SNX19: variants seen among roughly 807,000 people sequenced by gnomAD.
SNX19 encodes the protein sorting nexin-19.
In SNX19, 60 loss-of-function variants were observed where a neutral mutation model predicts 85.2. The observed-to-expected ratio is 0.70, with a 90% CI of 0.57 to 0.87. The LOEUF is 0.87. SNX19 is among the 40% of genes least tolerant of loss of function. The pLI is 0.00. For missense variants in SNX19, 1,201 were observed against 1,217.8 expected (o/e 0.99, Z 0.21); for synonymous variants, 520 against 470.0 (o/e 1.11, Z -1.38).
rs1943081487 is a variant in SNX19, at chr11:130,872,858, T to C, written c.*5564A>G. Among the ~76,000 whole-genome samples the C allele has an allele frequency of 6.6e-6, 1 of 152,184 alleles. No homozygotes were observed. The highest frequency in any genetic ancestry group is 1.5e-5 in the Non-Finnish European group (1 of 68,032). On this transcript the variant is annotated 3_prime_UTR_variant, in exon 11 of 11. Transcript: ENST00000265909. Reference sequence around the variant, plus strand: ...TGGGCTAACCTTCCTTTCCTCATCCTGGGAAAACACATCTTGCTCCAGTGC... The same window carrying C: ...TGGGCTAACCTTCCTTTCCTCATCCCGGGAAAACACATCTTGCTCCAGTGC...
intron 8 of SNX19, among the ~76,000 whole-genome samples, chr11:130,890,580 T>C (rs919092935): frequency 2.0e-5 from 3 of 152,234 alleles, no homozygotes; most frequent in Non-Finnish European, 4.4e-5. Context: ...GCCATTATTC[T>C]TGCATATCAT....
chr11:130,893,075 G>A (rs10750453), intron 8 of SNX19: 90,472 of 151,484 alleles, frequency 0.6, 27,396 homozygotes, highest in South Asian at 0.73. Context: ...TTGTCTTGAC[G>A]ACCAGAGTCC....
chr11:130,915,476 G>A lies in SNX19; in HGVS notation c.464C>T (p.Ala155Val), dbSNP rs772371493. ...ACCGCAGAGAGTCAGAACACTCTGG[G>A]CAACAGCATGACTGTCCATCACGCT... ...RMSVMDSHAV[A>V]QSVLTLCGCH... Residue 155 changes from alanine (A) to valine (V), a missense_variant, in exon 1 of 11, where the codon GCC (alanine) becomes GTC (valine). Around this residue, in one of 3 missense-constraint regions of SNX19, gnomAD observed 791 missense variants for 750.9 expected, o/e 1.05. Transcript: ENST00000265909. The A allele has an allele frequency of 2.5e-6, 4 of 1,614,122 alleles. No individual in the cohort carries two copies. In the South Asian group the frequency reaches 4.4e-5, roughly 18 times the overall value.
chr11:130,911,580 C>G (rs3751038), intron 2 of SNX19, 53 bp downstream of exon 2: 305,981 of 1,608,612 alleles, frequency 0.19, 30,560 homozygotes, highest in Middle Eastern at 0.21. Context: ...GGCCAATCAG[C>G]GTGGCTCGAC....
intron 8 of SNX19, chr11:130,892,766 T>G (rs998241579): frequency 1.3e-5 from 2 of 152,240 alleles, no homozygotes; most frequent in Non-Finnish European, 2.9e-5. Context: ...AAACTTTCAC[T>G]GCAGAGACTA....
chr11:130,889,575 T>C (rs920763550), intron 8 of SNX19, among the ~76,000 whole-genome samples: 7 of 152,224 alleles, frequency 4.6e-5, no homozygotes, highest in Non-Finnish European at 7.4e-5. Flanking sequence ...AATCTGTTCT[T>C]ACAGCATGTA....
chr11:130,915,867 T>G lies in SNX19; in HGVS notation c.73A>C (p.Ser25Arg). The stretch of plus-strand genomic sequence containing the variant: ...CCCACAGCCATCAGCTTCCGGCTAC[T>G]CAACAGGTTATTGAGGTGACAGCTC... ...GSSCHLNNLL[S>R]SRKLMAVGVL... The change falls in exon 1 of 11, where the codon AGT (serine) becomes CGT (arginine). Residue 25 changes from serine (S) to arginine (R), a missense_variant. By Grantham distance (110) the Ser-to-Arg change is moderately radical. Coordinates refer to ENST00000265909, the MANE Select transcript of SNX19 (RefSeq NM_014758.3). 6.2e-7 allele frequency: 1 copy of G among 1,614,202 alleles called. No individual in the cohort carries two copies. The highest frequency in any genetic ancestry group is 8.5e-7 in the Non-Finnish European group (1 of 1,180,034).
At chr11:130,879,780 C>G in intron 9 of SNX19, 69 bp from the exon 10 acceptor site, 1 of 1,426,096 alleles carries the variant, frequency 7.0e-7, no homozygotes, top group Non-Finnish European at 9.9e-7. Flanking sequence ...GACAGTCTCT[C>G]CCCAGGATCT....
chr11:130,890,312 A>G (rs1944408219), intron 8 of SNX19, among the ~76,000 whole-genome samples: 2 of 152,142 alleles, frequency 1.3e-5, no homozygotes, highest in Admixed American at 1.3e-4. Flanking sequence ...TCTCAGCTGA[A>G]TGCCTCATCA....
intron 8 of SNX19, among the ~76,000 whole-genome samples, chr11:130,886,039 T>C (rs941033560): frequency 6.6e-6 from 1 of 152,148 alleles, no homozygotes; most frequent in African/African-American, 2.4e-5. Context: ...CAAACATGTC[T>C]CCAAACATTG....
rs866905676 is a variant in SNX19, at chr11:130,914,849, G to A, written c.1091C>T (p.Pro364Leu). 6.2e-7 allele frequency: 1 copy of A among 1,614,152 alleles called. No homozygotes were observed. The highest frequency in any genetic ancestry group is 1.7e-5 in the Admixed American group (1 of 60,020). Residue 364 changes from proline to leucine, a missense_variant, in exon 1 of 11, where the codon CCC becomes CTC. Physicochemically the swap from Pro to Leu is moderately conservative, Grantham distance 98. Coordinates refer to ENST00000265909, the MANE Select transcript of SNX19 (RefSeq NM_014758.3). ...SHFLQPNVRG[P>L]LFLCEDSELE... ...CTCTGAGTCTTCACATAAGAACAGG[G>A]GACCTCGAACATTTGGCTGTAGGAA...
rs1339194795 is a variant in SNX19 at position 130,875,528 on chromosome 11, T to C, written c.*2894A>G. On this transcript the variant is annotated 3_prime_UTR_variant, in exon 11 of 11. Coordinates refer to ENST00000265909, the MANE Select transcript of SNX19 (RefSeq NM_014758.3). ...GGTAGATCTCACATTATGTGTTTCTTTACAACAATAAGAAAATCACCTTGT... is the reference window on the plus strand; with the variant it reads ...GGTAGATCTCACATTATGTGTTTCTCTACAACAATAAGAAAATCACCTTGT... 1.3e-5 allele frequency: 2 copies of C among 149,626 alleles called. No individual in the cohort carries two copies. Among genetic ancestry groups the C allele is most frequent in the Non-Finnish European group, 3.0e-5 (2 of 67,156 alleles). 9.3% of individuals were successfully genotyped at this position (149,626 alleles called of 1,614,324 possible). A position where few individuals can be genotyped will look rare whatever the true frequency, so the allele number is the denominator to read the frequency against.
In SNX19 at chr11:130,876,405, C is replaced by A. The variant is rs1162290591; in HGVS notation, c.*2017G>T. On this transcript the variant is annotated 3_prime_UTR_variant, in exon 11 of 11. Transcript: ENST00000265909. Reference sequence around the variant, plus strand: ...GAGGACAGCTTATCTTTTTGGGGTACGTGGAGTAGAGGTGGGGACTCTTAT... The same window carrying A: ...GAGGACAGCTTATCTTTTTGGGGTAAGTGGAGTAGAGGTGGGGACTCTTAT... 1 of 152,396 alleles carries A rather than the reference C, an allele frequency of 6.6e-6. No individual in the cohort carries two copies. Among genetic ancestry groups the A allele is most frequent in the African/African-American group, 2.4e-5 (1 of 41,400 alleles). 9.4% of individuals were successfully genotyped at this position (152,396 alleles called of 1,614,324 possible).
At chr11:130,899,323 T>A (rs538184095) in intron 8 of SNX19, among the ~76,000 whole-genome samples, 2 of 152,188 alleles carry the variant, frequency 1.3e-5, no homozygotes, top group Non-Finnish European at 2.9e-5. Flanking sequence ...TATGAGACCA[T>A]GGGCCACCAG....
intron 7 of SNX19, among the ~76,000 whole-genome samples, chr11:130,904,694 A>AT (rs34208870): frequency 0.46 from 68,901 of 148,368 alleles, 15,973 homozygotes; most frequent in South Asian, 0.6. Flanking sequence ...AAAATGGTAG[A>AT]TTTTTTTTTG....
intron 7 of SNX19, 73 bp downstream of exon 7, chr11:130,905,880 C>T (rs1307238585): frequency 6.2e-7 from 1 of 1,611,786 alleles, no homozygotes; most frequent in South Asian, 1.1e-5. Flanking sequence ...GTTACAAACT[C>T]CAACTACCCC....
rs114602583 is a variant in SNX19 at position 130,905,045 on chromosome 11, C to T, written c.2443+908G>A. ...AAAGAATAGTGAAATCAGCTTTTTC[C>T]CCAGTTTTGAATCCAAGATTTTGTG... On this transcript the variant is annotated intron_variant, in intron 7 of 10. Coordinates refer to ENST00000265909, the MANE Select transcript of SNX19 (RefSeq NM_014758.3). Among the ~76,000 whole-genome samples, 512 of 152,272 alleles carry T rather than the reference C, an allele frequency of 3.4e-3. 1 individual carries two copies. Among genetic ancestry groups the T allele is most frequent in the African/African-American group, 0.012 (480 of 41,552 alleles).
chr11:130,871,699 TTATC>T lies in SNX19; in HGVS notation c.*6719_*6722del, dbSNP rs1474833442. Among the ~76,000 whole-genome samples the T allele has an allele frequency of 6.6e-6, 1 of 152,216 alleles. No individual in the cohort carries two copies. Among genetic ancestry groups the T allele is most frequent in the Non-Finnish European group, 1.5e-5 (1 of 68,034 alleles). On this transcript the variant is annotated 3_prime_UTR_variant, in exon 11 of 11. Transcript: ENST00000265909. ...TGTCTGCAATCAGGGAGTTCTGTGTTTATCTAGCTACATCTTTACTCTCATGGGT... is the reference window on the plus strand; with the variant it reads ...TGTCTGCAATCAGGGAGTTCTGTGTTTAGCTACATCTTTACTCTCATGGGT...
At position 130,898,316 on chromosome 11, in the gene SNX19, G is replaced by T. The variant is rs1219120387; in HGVS notation, c.2573+4939C>A. Among the ~76,000 whole-genome samples the T allele has an allele frequency of 2.0e-5, 3 of 152,138 alleles. No homozygotes were observed. The East Asian group carries it at 5.8e-4, about 29-fold the overall frequency. ...CCTGCTTGGGGATAATAATACTGGA[G>T]GTTGGAACATGAGGACATTTTAAGG... On this transcript the variant is annotated intron_variant, in intron 8 of 10. Transcript: ENST00000265909.
Sources: gnomAD v4.1 joint callset for allele counts (sites outside exome capture counted in the v4.1 genomes callset) on GRCh38, gnomAD v4.1.1 for gene constraint, gnomAD v4.1.1 regional missense constraint, MANE v1.5 for transcripts, NCBI Gene and HGNC (gene_info 2026-07-23, HGNC 2026-07-21) for gene names.